MOSMO: variants seen among roughly 807,000 people sequenced by gnomAD.
MOSMO encodes the protein modulator of smoothened, also known as modulator of smoothened protein.
MOSMO carries 5 observed loss-of-function variants against 18.4 expected under a neutral mutation model. That is an observed-to-expected ratio of 0.27 (90% CI 0.14 to 0.57). MOSMO has a LOEUF of 0.57. Ranked by LOEUF, MOSMO falls within the 20% of genes least tolerant of loss-of-function variation. The pLI is 0.92. For missense variants in MOSMO, 138 were observed against 211.8 expected, an observed-to-expected ratio of 0.65 and a Z score of 2.16; for synonymous variants, 82 against 82.3, an observed-to-expected ratio of 1.00 and a Z score of 0.02.
At chr16:22,020,878 ATTC>A (rs1899747482) in intron 1 of MOSMO, among the ~76,000 whole-genome samples, 2 of 152,204 alleles carry the variant, frequency 1.3e-5, no homozygotes, top group Admixed American at 1.3e-4. Flanking sequence ...GTTCACTGAG[ATTC>A]TTCTTATATA....
At chr16:22,032,391 C>T (rs2141996001) in intron 1 of MOSMO, among the ~76,000 whole-genome samples, 1 of 152,116 alleles carries the variant, frequency 6.6e-6, no homozygotes, top group Middle Eastern at 3.4e-3. Context: ...GGCTTTTTGC[C>T]ATGTTGGCCA....
chr16:22,014,525 G>A (rs1223258937), intron 1 of MOSMO, among the ~76,000 whole-genome samples: 5 of 152,140 alleles, frequency 3.3e-5, no homozygotes, highest in African/African-American at 1.2e-4. Flanking sequence ...ATAAGGGACT[G>A]TGGTGCTTGA....
chr16:22,016,316 G>A (rs1017247234), intron 1 of MOSMO, among the ~76,000 whole-genome samples: 25 of 152,148 alleles, frequency 1.6e-4, no homozygotes, highest in Non-Finnish European at 3.1e-4. Flanking sequence ...CACATTGTCC[G>A]ATACTTAGTA....
At chr16:22,033,459 C>T (rs1410322857) in intron 1 of MOSMO, among the ~76,000 whole-genome samples, 1 of 151,954 alleles carries the variant, frequency 6.6e-6, no homozygotes, top group Non-Finnish European at 1.5e-5. Flanking sequence ...ACGCTCTTGG[C>T]TCACTGCAAC....
At chr16:22,073,209 C>T (rs541498804) in intron 1 of MOSMO, among the ~76,000 whole-genome samples, 1 of 152,130 alleles carries the variant, frequency 6.6e-6, no homozygotes, top group Admixed American at 6.5e-5. Context: ...ACTGAACCTA[C>T]AATTTTTAAT....
chr16:22,041,128 C>A (rs1158235805), intron 1 of MOSMO, among the ~76,000 whole-genome samples: 1 of 152,038 alleles, frequency 6.6e-6, no homozygotes, highest in Non-Finnish European at 1.5e-5. Context: ...TGGGAAAGAA[C>A]AATTTAAATA....
chr16:22,028,975 G>T (rs1008556921), intron 1 of MOSMO, among the ~76,000 whole-genome samples: 1 of 152,042 alleles, frequency 6.6e-6, no homozygotes, highest in Admixed American at 6.6e-5. Flanking sequence ...AGGTTCAAGC[G>T]ATTCTCCTGC....
intron 1 of MOSMO, among the ~76,000 whole-genome samples, chr16:22,029,195 A>C (rs1467435222): frequency 1.3e-5 from 2 of 152,084 alleles, no homozygotes; most frequent in Non-Finnish European, 2.9e-5. Context: ...AAAGTCCTAA[A>C]AGTCAGATGG....
intron 1 of MOSMO, chr16:22,064,417 C>A (rs771949005): frequency 2.2e-6 from 1 of 456,386 alleles, no homozygotes; most frequent in South Asian, 1.5e-5. Flanking sequence ...TTACTTCTGC[C>A]AGATTAATCT....
chr16:22,054,968 T>G (rs973844916), intron 1 of MOSMO, among the ~76,000 whole-genome samples: 1 of 152,134 alleles, frequency 6.6e-6, no homozygotes, highest in Admixed American at 6.5e-5. Context: ...TAGGGGTTTT[T>G]TTTTTTTCTT....
At chr16:22,053,020 T>A (rs566202709) in intron 1 of MOSMO, among the ~76,000 whole-genome samples, 1 of 150,230 alleles carries the variant, frequency 6.7e-6, no homozygotes, top group African/African-American at 2.4e-5. Flanking sequence ...AGTGGCTTGA[T>A]CTCTGCTCAC....
chr16:22,052,089 A>G (rs1026494789), intron 1 of MOSMO, among the ~76,000 whole-genome samples: 5 of 152,182 alleles, frequency 3.3e-5, no homozygotes, highest in African/African-American at 9.6e-5. Context: ...AATTTATTCT[A>G]CGGATATAGT....
intron 1 of MOSMO, among the ~76,000 whole-genome samples, chr16:22,021,512 A>G (rs1285254719): frequency 6.6e-6 from 1 of 152,052 alleles, no homozygotes; most frequent in Non-Finnish European, 1.5e-5. Flanking sequence ...AGAAAGTTAA[A>G]AGAGTATGGG....
At chr16:22,010,052 T>C (rs1899492097) in intron 1 of MOSMO, among the ~76,000 whole-genome samples, 2 of 152,202 alleles carry the variant, frequency 1.3e-5, no homozygotes, top group South Asian at 4.1e-4. Flanking sequence ...GTATTACTTA[T>C]GGTTCTGTAT....
At chr16:22,056,361 CTTTCTTTTTTTT>C (rs756682253) in intron 1 of MOSMO, among the ~76,000 whole-genome samples, 35 of 116,414 alleles carry the variant, frequency 3.0e-4, no homozygotes, top group Non-Finnish European at 4.0e-4. Flanking sequence ...TCCTTTCTTT[CTTTCTTTTTTTT>C]TTTTTTTTTT....
At chr16:22,039,777 A>C (rs1253754964) in intron 1 of MOSMO, among the ~76,000 whole-genome samples, 1 of 152,230 alleles carries the variant, frequency 6.6e-6, no homozygotes, top group Non-Finnish European at 1.5e-5. Flanking sequence ...TCTCCTTTTC[A>C]GACAGGCCTT....
chr16:22,060,080 G>A (rs1313977455), intron 1 of MOSMO, among the ~76,000 whole-genome samples: 2 of 152,228 alleles, frequency 1.3e-5, no homozygotes, highest in African/African-American at 2.4e-5. Flanking sequence ...AGGAGGCTGA[G>A]ACAGTAGGAT....
In MOSMO at chr16:22,023,042, ATCT is replaced by A. The variant is rs1899796713; in HGVS notation, c.106+14640_106+14642del. Among the ~76,000 whole-genome samples, 3 of 152,208 alleles carry A rather than the reference ATCT, an allele frequency of 2.0e-5. No homozygotes were observed. The South Asian group carries it at 6.2e-4, about 31-fold the overall frequency. On this transcript the variant is annotated intron_variant, in intron 1 of 2. Coordinates refer to ENST00000542527, the MANE Select transcript of MOSMO (RefSeq NM_001164579.2). ...GATAATTTATGGTATAATCTTATTC[ATCT>A]TCTTATGATGAAACGTAAAATGTGA...
intron 1 of MOSMO, among the ~76,000 whole-genome samples, chr16:22,015,868 C>G (rs1283364153): frequency 6.6e-6 from 1 of 152,022 alleles, no homozygotes; most frequent in Non-Finnish European, 1.5e-5. Context: ...AGAACATGAA[C>G]AGCAGGCATG....
Sources: allele counts gnomAD v4.1 joint callset (sites outside exome capture counted in the v4.1 genomes callset), GRCh38; gene constraint gnomAD v4.1.1; transcripts MANE v1.5; gene names NCBI Gene and HGNC (gene_info 2026-07-23, HGNC 2026-07-21).